The following CMBL variants were observed in gnomAD, a reference collection of about 807,000 sequenced individuals.
CMBL encodes carboxymethylenebutenolidase homolog (Pseudomonas).
CMBL carries 17 observed loss-of-function variants against 28.7 expected under a neutral mutation model. That is an observed-to-expected ratio of 0.59 (90% CI 0.41 to 0.89). The LOEUF (loss-of-function observed/expected upper bound fraction) is 0.89. CMBL is among the 40% of genes least tolerant of loss of function. The pLI, the probability that CMBL is intolerant of heterozygous loss-of-function variation, is 0.00. For synonymous variants in CMBL, 106 were observed against 101.6 expected (o/e 1.04, Z -0.26); for missense variants, 310 against 298.5 (o/e 1.04, Z -0.28).
intron 1 of CMBL, among the ~76,000 whole-genome samples, chr5:10,299,087 A>C (rs989949586): frequency 6.6e-6 from 1 of 152,196 alleles, no homozygotes; most frequent in African/African-American, 2.4e-5. Context: ...AAGATTAATA[A>C]GATAATGATT....
At chr5:10,284,657 C>T (rs993480429) in intron 4 of CMBL, among the ~76,000 whole-genome samples, 9 of 152,170 alleles carry the variant, frequency 5.9e-5, no homozygotes, top group Admixed American at 1.3e-4. Context: ...GCAGGTGTTT[C>T]GGGTCGGCCA....
chr5:10,282,700 C>A (rs1746517635), intron 4 of CMBL, among the ~76,000 whole-genome samples: 1 of 151,990 alleles, frequency 6.6e-6, no homozygotes, highest in Non-Finnish European at 1.5e-5. Context: ...GGGCGGATTG[C>A]TTGAGCCTGG....
At chr5:10,298,420 G>A (rs1475809090) in intron 1 of CMBL, among the ~76,000 whole-genome samples, 1 of 152,142 alleles carries the variant, frequency 6.6e-6, no homozygotes. Context: ...AAAGACAACT[G>A]CAGAAAACTG....
In CMBL at chr5:10,279,610, C is replaced by G. The variant is rs941137259; in HGVS notation, c.*843G>C. The G allele has an allele frequency of 6.6e-6, 1 of 151,634 alleles. No homozygotes were observed. The highest frequency in any genetic ancestry group is 2.4e-5 in the African/African-American group (1 of 41,224). The allele number at this position is 151,634 out of a possible 1,614,324, so 9.4% of individuals were successfully genotyped here. On this transcript the variant is annotated 3_prime_UTR_variant, in exon 6 of 6. Transcript: ENST00000296658. ...AGGCTGGAGTGCAGTAGCGCAACCT[C>G]GACTCACTGCAACCTCTGCCTCCAG...
At chr5:10,293,506 C>A (rs1055382962) in intron 1 of CMBL, among the ~76,000 whole-genome samples, 7 of 152,076 alleles carry the variant, frequency 4.6e-5, no homozygotes, top group Admixed American at 4.6e-4. Context: ...GACCCGACCT[C>A]CTGATACCAT....
Position 10,289,319 on chromosome 5 carries a change from T to A in CMBL, c.216-790A>T, listed in dbSNP as rs1031439781. On this transcript the variant is annotated intron_variant, in intron 2 of 5. Coordinates refer to ENST00000296658, the MANE Select transcript of CMBL (RefSeq NM_138809.4). The surrounding 1 kb of genome is among the most constrained non-coding windows in gnomAD (Gnocchi z 4.3). Reference sequence around the variant, plus strand: ...GCCTCATTTTCTCATCTGACAAACTTGCACTGCCTAACCCCAGAGGATCCT... The same window carrying A: ...GCCTCATTTTCTCATCTGACAAACTAGCACTGCCTAACCCCAGAGGATCCT... Among the ~76,000 whole-genome samples, 1 of 152,166 alleles carries A rather than the reference T, an allele frequency of 6.6e-6. No individual in the cohort carries two copies. Among genetic ancestry groups the A allele is most frequent in the African/African-American group, 2.4e-5 (1 of 41,434 alleles).
chr5:10,280,703 G>C lies in CMBL; in HGVS notation c.559-71C>G, dbSNP rs545295782. On this transcript the variant is annotated intron_variant, in intron 5 of 5. Transcript: ENST00000296658. ...TCCATTCTCCAAATCTTTAGTGAGC[G>C]TTCATAACAGAAATTTAACATCAAT... 3.0e-4 allele frequency: 382 copies of C among 1,277,686 alleles called. 8 individuals are homozygous for C. In the South Asian group the frequency reaches 5.4e-3, roughly 18 times the overall value. The allele number at this position is 1,277,686 out of a possible 1,614,324, so 79.1% of individuals were successfully genotyped here.
At chr5:10,285,578 G>A (rs186090852) in intron 4 of CMBL, among the ~76,000 whole-genome samples, 3 of 151,572 alleles carry the variant, frequency 2.0e-5, no homozygotes, top group East Asian at 2.0e-4. Context: ...GATTACAGGC[G>A]TGAGTCATCG....
intron 4 of CMBL, among the ~76,000 whole-genome samples, chr5:10,284,684 T>A (rs1746565245): frequency 1.3e-5 from 2 of 152,240 alleles, no homozygotes; most frequent in Non-Finnish European, 2.9e-5. Flanking sequence ...GCTATGATGC[T>A]TGGTAGGTGA....
chr5:10,291,455 G>A (rs900899038), intron 1 of CMBL, among the ~76,000 whole-genome samples: 1 of 152,126 alleles, frequency 6.6e-6, no homozygotes, highest in Non-Finnish European at 1.5e-5. Context: ...GAGGTCAGGA[G>A]ATCGAGACCA....
intron 5 of CMBL, among the ~76,000 whole-genome samples, chr5:10,281,452 A>AT (rs1316496237): frequency 6.6e-4 from 101 of 152,276 alleles, no homozygotes; most frequent in African/African-American, 2.3e-3. Flanking sequence ...TCTCAGCCTC[A>AT]ATCAATCCTC....
At chr5:10,304,082 T>C (rs187119172) in intron 1 of CMBL, among the ~76,000 whole-genome samples, 2 of 152,082 alleles carry the variant, frequency 1.3e-5, no homozygotes, top group East Asian at 1.9e-4. Flanking sequence ...TATTCATGGC[T>C]GAGAACAGTG....
chr5:10,293,374 A>C (rs1746758927), intron 1 of CMBL, among the ~76,000 whole-genome samples: 1 of 152,162 alleles, frequency 6.6e-6, no homozygotes, highest in African/African-American at 2.4e-5. Flanking sequence ...TCTGGTTCAT[A>C]TGTGGTGCCC....
rs958621037 is a variant in CMBL, at chr5:10,277,793, C to T, written c.*2660G>A. On this transcript the variant is annotated 3_prime_UTR_variant, in exon 6 of 6. Transcript: ENST00000296658. Reference sequence around the variant, plus strand: ...GCAGTGCTGGTTCAGAACACCATGACATTTGACCAAAGGACTCAGCAGAGG... The same window carrying T: ...GCAGTGCTGGTTCAGAACACCATGATATTTGACCAAAGGACTCAGCAGAGG... Among the ~76,000 whole-genome samples, 2 of 152,208 alleles carry T rather than the reference C, an allele frequency of 1.3e-5. No homozygotes were observed. The highest frequency in any genetic ancestry group is 4.8e-5 in the African/African-American group (2 of 41,450).
At chr5:10,305,559 T>C (rs899564093) in intron 1 of CMBL, among the ~76,000 whole-genome samples, 4 of 151,234 alleles carry the variant, frequency 2.6e-5, no homozygotes, top group African/African-American at 9.7e-5. Flanking sequence ...CACTGTTGAG[T>C]GTTTTTTGTT....
At position 10,280,246 on chromosome 5, in the gene CMBL, G is replaced by T. The variant is rs1746475653; in HGVS notation, c.*207C>A. The T allele has an allele frequency of 6.5e-6, 3 of 462,606 alleles. No individual in the cohort carries two copies. The highest frequency in any genetic ancestry group is 8.3e-5 in the South Asian group (2 of 24,210). The allele number at this position is 462,606 out of a possible 1,614,324, so 28.7% of individuals were successfully genotyped here. A position where few individuals can be genotyped will look rare whatever the true frequency, so the allele number is the denominator to read the frequency against. On this transcript the variant is annotated 3_prime_UTR_variant, in exon 6 of 6. Coordinates refer to ENST00000296658, the MANE Select transcript of CMBL (RefSeq NM_138809.4). ...GAGGCACTACACCTGGTCAGACCTT[G>T]TTTTTAAATTATGATTCGATGTACA...
At chr5:10,296,923 G>A (rs1425063063) in intron 1 of CMBL, among the ~76,000 whole-genome samples, 1 of 151,946 alleles carries the variant, frequency 6.6e-6, no homozygotes, top group South Asian at 2.1e-4. Context: ...GGTGGCTCAC[G>A]CCTGTAATCC....
intron 1 of CMBL, among the ~76,000 whole-genome samples, chr5:10,298,617 G>A (rs1746846408): frequency 6.6e-6 from 1 of 152,248 alleles, no homozygotes; most frequent in African/African-American, 2.4e-5. Flanking sequence ...TTTGGGCTGA[G>A]TGCGGTGGCT....
rs528566015 is a variant in CMBL at position 10,288,475 on chromosome 5, G to A, written c.270C>T (p.Asp90=). The change falls in exon 3 of 6, where the codon GAC becomes GAT. Residue 90 remains aspartate (D), a synonymous_variant. Transcript: ENST00000296658. ...TCAGCCACTCAGGGAAGATAGACCA[G>A]TCGCCAGAGGGGTCCCAAGGCTCTT... The part of the protein sequence containing the change: ...VGQEPWDPSG[D]WSIFPEWLKT... 2.7e-5 allele frequency: 44 copies of A among 1,614,002 alleles called. No homozygotes were observed. In the South Asian group the frequency reaches 4.6e-4, roughly 17 times the overall value.
Sources: allele counts gnomAD v4.1 joint callset (sites outside exome capture counted in the v4.1 genomes callset), GRCh38; gene constraint gnomAD v4.1.1; non-coding constraint Gnocchi (gnomAD v3.1); transcripts MANE v1.5; gene names NCBI Gene and HGNC (gene_info 2026-07-23, HGNC 2026-07-21).